The following WIPF3 variants were observed in gnomAD, a reference collection of about 807,000 sequenced individuals.
WIPF3 encodes WAS/WASL-interacting protein family member 3.
Under a neutral mutation model 38.9 loss-of-function variants are expected in WIPF3, and 33 were observed. That is an observed-to-expected ratio of 0.85 (90% CI 0.64 to 1.14). WIPF3 has a LOEUF of 1.14. Ranked by LOEUF, WIPF3 falls within the 50% of genes most tolerant of loss-of-function variation. The probability of loss-of-function intolerance (pLI) is 0.00; values close to 1 mark genes in which losing one functional copy is unlikely to be tolerated. For synonymous variants in WIPF3, 324 were observed against 269.3 expected, an observed-to-expected ratio of 1.20 and a Z score of -1.99; for missense variants, 711 against 652.5, an observed-to-expected ratio of 1.09 and a Z score of -0.98.
chr7:29,856,328 G>A (rs1442511962), intron 2 of WIPF3, among the ~76,000 whole-genome samples: 2 of 152,002 alleles, frequency 1.3e-5, no homozygotes, highest in Admixed American at 1.3e-4. Flanking sequence ...TTAAAATTCT[G>A]AGAAGTAAAA....
chr7:29,897,744 G>A (rs929412406), intron 7 of WIPF3, among the ~76,000 whole-genome samples: 9 of 152,196 alleles, frequency 5.9e-5, no homozygotes, highest in African/African-American at 1.9e-4. Context: ...CAGTAGGAGG[G>A]TATTTATTTC....
intron 1 of WIPF3, among the ~76,000 whole-genome samples, chr7:29,807,521 A>G (rs1276562410): frequency 6.6e-6 from 1 of 152,188 alleles, no homozygotes; most frequent in Non-Finnish European, 1.5e-5. Context: ...GCAGGCAGGC[A>G]CCGGCTCTCA....
intron 2 of WIPF3, among the ~76,000 whole-genome samples, chr7:29,851,002 T>C (rs1785085741): frequency 6.6e-6 from 1 of 152,206 alleles, no homozygotes; most frequent in African/African-American, 2.4e-5. Context: ...TCCTGGAACA[T>C]ACTAAGTGTT....
intron 1 of WIPF3, among the ~76,000 whole-genome samples, chr7:29,811,862 C>T (rs1402528811): frequency 1.3e-5 from 2 of 152,210 alleles, no homozygotes; most frequent in Non-Finnish European, 2.9e-5. Context: ...GCTATGCTTA[C>T]TGAGTGCCTG....
At chr7:29,813,239 T>C (rs1300537047) in intron 1 of WIPF3, among the ~76,000 whole-genome samples, 1 of 152,186 alleles carries the variant, frequency 6.6e-6, no homozygotes, top group Non-Finnish European at 1.5e-5. Context: ...GGTCCCCAAA[T>C]TGATATACCT....
At chr7:29,874,253 C>T (rs906408508) in intron 2 of WIPF3, among the ~76,000 whole-genome samples, 2 of 152,032 alleles carry the variant, frequency 1.3e-5, no homozygotes, top group African/African-American at 2.4e-5. Flanking sequence ...TTTATTCATT[C>T]GTTCATACAG....
intron 1 of WIPF3, among the ~76,000 whole-genome samples, chr7:29,826,487 T>C (rs1346819224): frequency 6.6e-6 from 1 of 152,184 alleles, no homozygotes; most frequent in Non-Finnish European, 1.5e-5. Flanking sequence ...TAGGTATTGC[T>C]AGGGAAACTG....
chr7:29,902,049 A>G (rs924200242), intron 7 of WIPF3, among the ~76,000 whole-genome samples: 1 of 151,834 alleles, frequency 6.6e-6, no homozygotes, highest in Non-Finnish European at 1.5e-5. Flanking sequence ...GTGCGTAGAG[A>G]CCGGGGATGC....
chr7:29,854,165 A>G (rs552353826), intron 2 of WIPF3, among the ~76,000 whole-genome samples: 1 of 152,238 alleles, frequency 6.6e-6, no homozygotes, highest in Non-Finnish European at 1.5e-5. Context: ...ACATCCTTCC[A>G]TAGGTTCACC....
chr7:29,877,663 C>T (rs767152082), intron 3 of WIPF3, among the ~76,000 whole-genome samples: 7 of 152,138 alleles, frequency 4.6e-5, no homozygotes, highest in African/African-American at 7.2e-5. Flanking sequence ...GAGGCTGAGA[C>T]GGTGACACCT....
At chr7:29,832,426 T>C (rs1242864455) in intron 1 of WIPF3, among the ~76,000 whole-genome samples, 2 of 152,250 alleles carry the variant, frequency 1.3e-5, no homozygotes, top group Non-Finnish European at 2.9e-5. Context: ...AGTTTAGTTT[T>C]GGTAATAAAA....
At chr7:29,884,648 G>A in intron 5 of WIPF3, 55 bp downstream of exon 5, 1 of 1,538,098 alleles carries the variant, frequency 6.5e-7, no homozygotes, top group Non-Finnish European at 8.7e-7. Flanking sequence ...AAATCTCGTC[G>A]TTGCACAGGA....
At chr7:29,806,851 G>C (rs1784288072) in intron 1 of WIPF3, among the ~76,000 whole-genome samples, 173 bp downstream of exon 1, 1 of 151,434 alleles carries the variant, frequency 6.6e-6, no homozygotes, top group Non-Finnish European at 1.5e-5. Flanking sequence ...GGGCCCAGGA[G>C]GTTGTCGACG....
intron 7 of WIPF3, among the ~76,000 whole-genome samples, chr7:29,892,563 C>T (rs1376752920): frequency 6.6e-6 from 1 of 152,214 alleles, no homozygotes; most frequent in Non-Finnish European, 1.5e-5. Context: ...CATACCTTAT[C>T]ATTTGTCCTT....
At chr7:29,880,812 C>T (rs1227955137) in intron 4 of WIPF3, among the ~76,000 whole-genome samples, 1 of 152,212 alleles carries the variant, frequency 6.6e-6, no homozygotes, top group East Asian at 1.9e-4. Flanking sequence ...ACCAGATAAA[C>T]ACATGGACTG....
At chr7:29,904,467 C>G in intron 8 of WIPF3, 105 bp downstream of exon 8, 2 of 1,178,582 alleles carry the variant, frequency 1.7e-6, no homozygotes, top group Non-Finnish European at 2.5e-6. Flanking sequence ...TATTTTTCCT[C>G]ACACTCCTTT....
intron 2 of WIPF3, among the ~76,000 whole-genome samples, chr7:29,840,809 A>T (rs1215475981): frequency 1.3e-5 from 2 of 152,142 alleles, no homozygotes; most frequent in Non-Finnish European, 2.9e-5. Flanking sequence ...GGTGGGGGTC[A>T]GTGAATATAC....
chr7:29,826,367 T>G (rs931356468), intron 1 of WIPF3, among the ~76,000 whole-genome samples: 1 of 152,132 alleles, frequency 6.6e-6, no homozygotes, highest in African/African-American at 2.4e-5. Flanking sequence ...AACTCCGACC[T>G]ACTGAATCAG....
intron 2 of WIPF3, among the ~76,000 whole-genome samples, chr7:29,875,141 C>G (rs1785564104): frequency 6.6e-6 from 1 of 152,214 alleles, no homozygotes; most frequent in African/African-American, 2.4e-5. Flanking sequence ...CATTCCCTTT[C>G]TCCACAACTT....
Sources: gnomAD v4.1 joint callset for allele counts (sites outside exome capture counted in the v4.1 genomes callset) on GRCh38, gnomAD v4.1.1 for gene constraint, MANE v1.5 for transcripts, NCBI Gene and HGNC (gene_info 2026-07-23, HGNC 2026-07-21) for gene names.